Variants in USP7 observed in about 807,000 individuals in gnomAD.
USP7 encodes ubiquitin specific peptidase 7.
A neutral mutation model predicts 162.9 loss-of-function variants in USP7; 9 were observed. The observed-to-expected ratio is 0.06, with a 90% CI of 0.03 to 0.10. USP7 has a LOEUF of 0.10. Among genes scored for constraint, USP7 ranks in the 10% least tolerant of loss-of-function variants. USP7 has a pLI of 1.00. For missense variants in USP7, 715 were observed against 1,373.7 expected (o/e 0.52, Z 7.58); for synonymous variants, 562 against 475.9 (o/e 1.18, Z -2.35).
intron 10 of USP7, among the ~76,000 whole-genome samples, chr16:8,913,031 C>A (rs557877034): frequency 2.6e-5 from 4 of 152,104 alleles, no homozygotes; most frequent in South Asian, 2.1e-4. Context: ...AATCAAACAA[C>A]TGAAAACCAG....
At chr16:8,927,411 G>C (rs985296773) in intron 2 of USP7, among the ~76,000 whole-genome samples, 1 of 152,050 alleles carries the variant, frequency 6.6e-6, no homozygotes, top group Non-Finnish European at 1.5e-5. Flanking sequence ...AAATGGTGCT[G>C]TTGCAGTGAT....
intron 1 of USP7, among the ~76,000 whole-genome samples, chr16:8,943,326 T>G (rs1019096018): frequency 6.6e-6 from 1 of 151,390 alleles, no homozygotes; most frequent in African/African-American, 2.5e-5. Flanking sequence ...TAATTACGCC[T>G]GTACTGCTTC....
chr16:8,897,792 G>T (rs1296126588), intron 25 of USP7, among the ~76,000 whole-genome samples: 1 of 139,072 alleles, frequency 7.2e-6, no homozygotes, highest in Non-Finnish European at 1.5e-5. Flanking sequence ...CTAGCTACTT[G>T]GGGGGCTGAG....
intron 1 of USP7, among the ~76,000 whole-genome samples, chr16:8,955,719 A>AAAAC (rs1555472008): frequency 7.6e-6 from 1 of 131,604 alleles, no homozygotes; most frequent in Non-Finnish European, 1.6e-5. Flanking sequence ...AAAAAAAAAA[A>AAAAC]AAAAAAACAT....
At chr16:8,952,601 C>T (rs1352356851) in intron 1 of USP7, among the ~76,000 whole-genome samples, 1 of 152,058 alleles carries the variant, frequency 6.6e-6, no homozygotes, top group African/African-American at 2.4e-5. Context: ...GTACACTAGG[C>T]CCACCTGGGG....
chr16:8,900,465 G>T, intron 21 of USP7, 65 bp downstream of exon 21: 2 of 1,263,064 alleles, frequency 1.6e-6, no homozygotes, highest in South Asian at 1.5e-5. Context: ...ATGTTTCTTG[G>T]TTCTACAACT....
intron 6 of USP7, 127 bp downstream of exon 6, chr16:8,918,904 T>C (rs999385107): frequency 2.3e-6 from 2 of 880,056 alleles, no homozygotes; most frequent in Admixed American, 1.9e-5. Flanking sequence ...CAGCATGAAC[T>C]AGCAGCCATC....
intron 8 of USP7, 98 bp from the exon 9 acceptor site, chr16:8,915,623 T>G: frequency 2.8e-6 from 3 of 1,060,724 alleles, no homozygotes; most frequent in Non-Finnish European, 4.1e-6. Context: ...TTCAAAGAAG[T>G]TGTAGACTAT....
chr16:8,944,917 G>A (rs1350532068), intron 1 of USP7, among the ~76,000 whole-genome samples: 1 of 152,064 alleles, frequency 6.6e-6, no homozygotes, highest in African/African-American at 2.4e-5. Context: ...AGATCAGCCT[G>A]GCCAATATGG....
chr16:8,960,386 T>C (rs1899964579), intron 1 of USP7, among the ~76,000 whole-genome samples: 2 of 152,204 alleles, frequency 1.3e-5, no homozygotes, highest in Non-Finnish European at 2.9e-5. Context: ...ACTGCTGTTT[T>C]CCAATGAATA....
chr16:8,916,371 T>C (rs1897368974), intron 8 of USP7, 131 bp downstream of exon 8: 17 of 921,758 alleles, frequency 1.8e-5, no homozygotes, highest in Non-Finnish European at 2.7e-5. Context: ...TGCCTTTTTG[T>C]AGCCTAAGTC....
At chr16:8,900,744 T>C (rs1189943978) in intron 20 of USP7, 114 bp from the exon 21 acceptor site, 3 of 785,168 alleles carry the variant, frequency 3.8e-6, no homozygotes, top group Non-Finnish European at 6.0e-6. Flanking sequence ...ATCCACCTTT[T>C]AAGTTAAAAT....
At chr16:8,913,821 G>A (rs1394942756) in intron 10 of USP7, among the ~76,000 whole-genome samples, 1 of 151,986 alleles carries the variant, frequency 6.6e-6, no homozygotes, top group Non-Finnish European at 1.5e-5. Context: ...CACAATCATG[G>A]CTCGCTGCAG....
chr16:8,909,699 A>C (rs2061914368), intron 11 of USP7, among the ~76,000 whole-genome samples: 1 of 152,200 alleles, frequency 6.6e-6, no homozygotes, highest in African/African-American at 2.4e-5. Context: ...AGGCCGAGGC[A>C]GGCGGATCAC....
At chr16:8,954,611 G>C (rs1017928470) in intron 1 of USP7, among the ~76,000 whole-genome samples, 5 of 152,222 alleles carry the variant, frequency 3.3e-5, no homozygotes. Context: ...CTACAGAGAT[G>C]AAGACTTGCC....
intron 1 of USP7, 139 bp downstream of exon 1, chr16:8,963,068 G>A (rs1004697681): frequency 2.8e-6 from 2 of 725,782 alleles, no homozygotes; most frequent in Non-Finnish European, 3.6e-6. Flanking sequence ...GCAGGCCGGG[G>A]CCGGGAGGCC....
chr16:8,909,602 A>C (rs2061912188), intron 11 of USP7, among the ~76,000 whole-genome samples: 2 of 152,192 alleles, frequency 1.3e-5, no homozygotes, highest in African/African-American at 4.8e-5. Flanking sequence ...AACAGACCAG[A>C]ATATTTCTTC....
At chr16:8,962,657 C>CCTGACAA in intron 1 of USP7, 1 of 217,272 alleles carries the variant, frequency 4.6e-6, no homozygotes. Context: ...CAGTCCAAAA[C>CCTGACAA]CTGACAACAT....
chr16:8,957,111 A>G (rs560368724), intron 1 of USP7, among the ~76,000 whole-genome samples: 2 of 152,382 alleles, frequency 1.3e-5, no homozygotes, highest in South Asian at 4.1e-4. Flanking sequence ...ACTTCCAAAT[A>G]AAAAGTTAAA....
Sources: gnomAD v4.1 joint callset for allele counts (sites outside exome capture counted in the v4.1 genomes callset) on GRCh38, gnomAD v4.1.1 for gene constraint, MANE v1.5 for transcripts, NCBI Gene and HGNC (gene_info 2026-07-23, HGNC 2026-07-21) for gene names.